The following ZMAT1 variants were observed in gnomAD, a reference collection of about 807,000 sequenced individuals.
ZMAT1 encodes zinc finger matrin-type protein 1.
A neutral mutation model predicts 18.5 loss-of-function variants in ZMAT1; 11 were observed. The observed-to-expected ratio is 0.59, with a 90% CI of 0.37 to 0.98. ZMAT1 has a LOEUF of 0.98. ZMAT1 is among the 50% of genes least tolerant of loss of function. The probability of loss-of-function intolerance (pLI) is 0.01; values close to 1 mark genes in which losing one functional copy is unlikely to be tolerated. For synonymous variants in ZMAT1, 211 were observed against 176.4 expected (o/e 1.20, Z -1.55); for missense variants, 525 against 496.2 (o/e 1.06, Z -0.55).
intron 1 of ZMAT1, among the ~76,000 whole-genome samples, chrX:101,929,212 C>T (rs1051303962): frequency 1.2e-4 from 13 of 109,397 alleles, no homozygotes; most frequent in African/African-American, 4.3e-4. Flanking sequence ...TTCCAAACCA[C>T]TTTTAATGAT....
At chrX:101,891,167 G>A (rs1195560227) in intron 4 of ZMAT1, among the ~76,000 whole-genome samples, 1 of 111,611 alleles carries the variant, frequency 9.0e-6, no homozygotes, top group Non-Finnish European at 1.9e-5. Flanking sequence ...GTCTCAGTAG[G>A]GGTAGAAAGA....
chrX:101,886,713 T>C lies in ZMAT1; in HGVS notation c.695A>G (p.Tyr232Cys). Residue 232 changes from tyrosine to cysteine, a missense_variant, in exon 5 of 6, where the codon TAT (tyrosine) becomes TGT (cysteine). Tyr to Cys is a radical substitution (Grantham distance 194, BLOSUM62 -2). Transcript: ENST00000651725. ...QPEMAFSMRT[Y>C]VCHICSIAFT... is the part of the protein sequence containing the mutation. ...AGCAATACTACAAATATGGCAAACA[T>C]AGGTTCTCATACTAAATGCTGAAAA... 8.4e-7 allele frequency: 1 copy of C among 1,193,178 alleles called. No individual in the cohort carries two copies. Among genetic ancestry groups the C allele is most frequent in the Non-Finnish European group, 1.1e-6 (1 of 881,713 alleles).
At chrX:101,931,541 A>G (rs1306273561) in intron 1 of ZMAT1, 176 bp downstream of exon 1, 9 of 731,714 alleles carry the variant, frequency 1.2e-5, no homozygotes, top group Non-Finnish European at 1.1e-5. Context: ...GCTTCAGTCC[A>G]TCTTGCACAC....
At chrX:101,924,087 G>A (rs913632887) in intron 1 of ZMAT1, among the ~76,000 whole-genome samples, 3 of 111,221 alleles carry the variant, frequency 2.7e-5, no homozygotes, top group African/African-American at 9.8e-5. Flanking sequence ...TATAAACTTG[G>A]AAAAGAGATA....
chrX:101,888,314 T>C (rs1174812661), intron 4 of ZMAT1: 5 of 111,373 alleles, frequency 4.5e-5, no homozygotes, highest in Non-Finnish European at 7.5e-5. Context: ...CAACCTCTTT[T>C]AGGAAATTCG....
At position 101,904,250 on chromosome X, in the gene ZMAT1, C is replaced by T; in HGVS notation, c.373G>A (p.Glu125Lys). 1 of 1,201,074 alleles carries T rather than the reference C, an allele frequency of 8.3e-7. No individual in the cohort carries two copies. Among genetic ancestry groups the T allele is most frequent in the Non-Finnish European group, 1.1e-6 (1 of 890,595 alleles). Residue 125 changes from glutamate to lysine, a missense_variant, in exon 2 of 6, where the codon GAA becomes AAA. Physicochemically the swap from Glu to Lys is moderately conservative, Grantham distance 56. Transcript: ENST00000651725. ...CQVCGVMLQF[E>K]SQRISHYEGE... Reference sequence around the variant, plus strand: ...TCATAATGTGAAATTCTTTGTGATTCAAACTGTAGCATCACTCCACATACT... The same window carrying T: ...TCATAATGTGAAATTCTTTGTGATTTAAACTGTAGCATCACTCCACATACT...
chrX:101,921,168 C>G lies in ZMAT1; in HGVS notation c.292+10549G>C, dbSNP rs181390405. Among the ~76,000 whole-genome samples, 267 of 111,834 alleles carry G rather than the reference C, an allele frequency of 2.4e-3. 1 individual carries two copies. The highest frequency in any genetic ancestry group is 4.0e-3 in the Non-Finnish European group (214 of 53,184). ...TAGTCAAACTAGTCATTTGGTTCAACCTTCCACCACGGTTGTTTTCAAGCC... is the reference window on the plus strand; with the variant it reads ...TAGTCAAACTAGTCATTTGGTTCAAGCTTCCACCACGGTTGTTTTCAAGCC... On this transcript the variant is annotated intron_variant, in intron 1 of 5. Coordinates refer to ENST00000651725, the MANE Select transcript of ZMAT1 (RefSeq NM_001394560.1).
chrX:101,909,684 T>C (rs757502559), intron 1 of ZMAT1, among the ~76,000 whole-genome samples: 1 of 112,736 alleles, frequency 8.9e-6, no homozygotes, highest in Non-Finnish European at 1.9e-5. Context: ...GAGGCTACTC[T>C]GCCTTTGGAA....
chrX:101,886,083 G>A (rs756424989), intron 5 of ZMAT1, among the ~76,000 whole-genome samples: 1 of 111,941 alleles, frequency 8.9e-6, no homozygotes, highest in Non-Finnish European at 1.9e-5. Flanking sequence ...TGAAATAACA[G>A]AATAAAATGG....
At chrX:101,897,621 C>T (rs1927919255) in intron 4 of ZMAT1, among the ~76,000 whole-genome samples, 1 of 108,802 alleles carries the variant, frequency 9.2e-6, no homozygotes, top group African/African-American at 3.3e-5. Flanking sequence ...TAGCAAATCA[C>T]TTGCTTTTGT....
Position 101,931,734 on chromosome X carries a change from CG to C in ZMAT1, c.274del (p.Arg92AlafsTer29). 2.6e-6 allele frequency: 2 copies of C among 764,216 alleles called. No homozygotes were observed. The highest frequency in any genetic ancestry group is 3.1e-6 in the Non-Finnish European group (2 of 646,046). 63.0% of individuals were successfully genotyped at this position (764,216 alleles called of 1,213,427 possible). A position where few individuals can be genotyped will look rare whatever the true frequency, so the allele number is the denominator to read the frequency against. ...RGGSSFKVDT[R>X]PCLREDAIWN... ...GAACTCACCTTCTCTGAGGCAAGGG[CG>C]GGTGTCTACTTTAAAACTACTGCCC... On this transcript the variant is annotated frameshift_variant, in exon 1 of 6. Coordinates refer to ENST00000651725, the MANE Select transcript of ZMAT1 (RefSeq NM_001394560.1). LOFTEE classifies it high-confidence loss of function.
Position 101,884,652 on chromosome X carries a change from C to T in ZMAT1, c.946G>A (p.Val316Ile). The change falls in exon 6 of 6, where the codon GTC (valine) becomes ATC (isoleucine). Residue 316 changes from valine to isoleucine, a missense_variant. By Grantham distance (29) the Val-to-Ile change is conservative. Coordinates refer to ENST00000651725, the MANE Select transcript of ZMAT1 (RefSeq NM_001394560.1). ...ATTCTATGTCTGGGTCTGGAATCGA[C>T]CACTTCTCTGTATCTACGGGTTTCC... is the stretch of plus-strand genomic sequence containing the variant. ...SLETRRYREV[V>I]DSRPRHRMFE... 8.3e-7 allele frequency: 1 copy of T among 1,210,885 alleles called. No homozygotes were observed. Among genetic ancestry groups the T allele is most frequent in the Non-Finnish European group, 1.1e-6 (1 of 895,123 alleles).
intron 1 of ZMAT1, among the ~76,000 whole-genome samples, chrX:101,920,170 C>T (rs1158200711): frequency 9.1e-6 from 1 of 109,576 alleles, no homozygotes; most frequent in African/African-American, 3.3e-5. Context: ...TCCCATGTAG[C>T]TGGGACTACA....
At position 101,904,315 on chromosome X, in the gene ZMAT1, T is replaced by A. The variant is rs1446748567; in HGVS notation, c.308A>T (p.Glu103Val). 5 of 1,198,519 alleles carry A rather than the reference T, an allele frequency of 4.2e-6. No individual in the cohort carries two copies. The South Asian group carries it at 5.5e-5, about 13-fold the overall frequency. The change falls in exon 2 of 6, where the codon GAA becomes GTA. Residue 103 changes from glutamate to valine, a missense_variant. Glu to Val is a moderately radical substitution (Grantham distance 121). Transcript: ENST00000651725. ...TGTAAAAAGTTCAGCCTTTTCCTGT[T>A]CATTCCAAATGGCGTCTGTGAATAA... Reference protein sequence around the residue: ...PCLREDAIWNEQEKAELFTDK... With the variant: ...PCLREDAIWNVQEKAELFTDK...
intron 1 of ZMAT1, chrX:101,911,472 A>C (rs896846926): frequency 1.8e-5 from 12 of 671,765 alleles, no homozygotes; most frequent in Non-Finnish European, 2.6e-5. Context: ...GAATAACTAC[A>C]ACTTTTCAAG....
intron 2 of ZMAT1, among the ~76,000 whole-genome samples, chrX:101,901,492 G>GTA (rs1364140095): frequency 1.8e-5 from 2 of 111,296 alleles, no homozygotes; most frequent in Admixed American, 1.9e-4. Flanking sequence ...TATACCCATT[G>GTA]TATAGGAAAG....
At position 101,883,357 on chromosome X, in the gene ZMAT1, C is replaced by T; in HGVS notation, c.*153G>A. 1.1e-5 allele frequency: 4 copies of T among 359,022 alleles called. No individual in the cohort carries two copies. The highest frequency in any genetic ancestry group is 1.3e-4 in the South Asian group (1 of 7,760). 29.6% of individuals were successfully genotyped at this position (359,022 alleles called of 1,213,427 possible). On this transcript the variant is annotated 3_prime_UTR_variant, in exon 6 of 6. Coordinates refer to ENST00000651725, the MANE Select transcript of ZMAT1 (RefSeq NM_001394560.1). ...GGCTTTTTTTTTCCTTCTTTTAATT[C>T]AATTTAAATTTTTATACAAAAAAAA...
chrX:101,924,044 A>C (rs142835923), intron 1 of ZMAT1, among the ~76,000 whole-genome samples: 38 of 111,939 alleles, frequency 3.4e-4, no homozygotes, highest in African/African-American at 1.2e-3. Flanking sequence ...ACTGTTCTTC[A>C]TTCCCTGGTA....
At chrX:101,900,917 A>C (rs1024914491) in intron 2 of ZMAT1, among the ~76,000 whole-genome samples, 1 of 111,994 alleles carries the variant, frequency 8.9e-6, no homozygotes, top group Non-Finnish European at 1.9e-5. Context: ...TTGCATTTTC[A>C]CAGTATTGAT....
Sources: allele counts gnomAD v4.1 joint callset (sites outside exome capture counted in the v4.1 genomes callset), GRCh38; gene constraint gnomAD v4.1.1; transcripts MANE v1.5; gene names NCBI Gene and HGNC (gene_info 2026-07-23, HGNC 2026-07-21).